Variants in NUDT7 observed in about 807,000 individuals in gnomAD.
NUDT7 encodes peroxisomal coenzyme A diphosphatase NUDT7.
A neutral mutation model predicts 13.1 loss-of-function variants in NUDT7; 19 were observed. That is an observed-to-expected ratio of 1.45 (90% confidence interval 1.01 to 2.13). NUDT7 has a LOEUF of 2.13. Ranked by LOEUF, NUDT7 falls within the 30% of genes most tolerant of loss-of-function variation. The pLI, the probability that NUDT7 is intolerant of heterozygous loss-of-function variation, is 0.00. For synonymous variants in NUDT7, 132 were observed against 109.7 expected, an observed-to-expected ratio of 1.20 and a Z score of -1.27; for missense variants, 360 against 291.7, an observed-to-expected ratio of 1.23 and a Z score of -1.71.
chr16:77,728,516 C>T (rs980283798), intron 2 of NUDT7, among the ~76,000 whole-genome samples: 93 of 152,252 alleles, frequency 6.1e-4, no homozygotes, highest in African/African-American at 2.1e-3. Context: ...AGATGACAAG[C>T]GTGTGCCACC....
Position 77,742,080 on chromosome 16 carries a change from C to A in NUDT7, c.*130C>A. ...TTTTCTGCAGTATGTAGTTAGAATC[C>A]TTGCCTCTTTTCCAGTTGCCTTCTA... On this transcript the variant is annotated 3_prime_UTR_variant, in exon 4 of 4. Transcript: ENST00000268533. 7.0e-7 allele frequency: 1 copy of A among 1,435,268 alleles called. No homozygotes were observed. Among genetic ancestry groups the A allele is most frequent in the South Asian group, 1.7e-5 (1 of 60,384 alleles). The allele number at this position is 1,435,268 out of a possible 1,614,324, so 88.9% of individuals were successfully genotyped here.
chr16:77,731,156 C>A (rs7188485), intron 2 of NUDT7, among the ~76,000 whole-genome samples: 14,335 of 152,078 alleles, frequency 0.094, 766 homozygotes, highest in African/African-American at 0.15. Context: ...CATTGCCCAG[C>A]TCAAGGATAA....
At chr16:77,724,648 G>A (rs529266239) in intron 1 of NUDT7, among the ~76,000 whole-genome samples, 2 of 152,240 alleles carry the variant, frequency 1.3e-5, no homozygotes, top group African/African-American at 4.8e-5. Context: ...TCCTATTTCT[G>A]AATAAAGTCA....
intron 3 of NUDT7, chr16:77,737,276 T>C (rs1276378374): frequency 6.6e-6 from 1 of 152,226 alleles, no homozygotes; most frequent in Admixed American, 6.5e-5. Flanking sequence ...CTCTGGTCTG[T>C]GATAGTTTAT....
chr16:77,737,773 C>T (rs2014537764), intron 3 of NUDT7, among the ~76,000 whole-genome samples: 1 of 152,166 alleles, frequency 6.6e-6, no homozygotes, highest in African/African-American at 2.4e-5. Flanking sequence ...ACGTGAGCCA[C>T]CACACCCAGC....
chr16:77,725,528 C>T lies in NUDT7; in HGVS notation c.133C>T (p.Pro45Ser), dbSNP rs560829499. Residue 45 changes from proline to serine, a missense_variant, in exon 2 of 4, where the codon CCA becomes TCA. By Grantham distance (74) the Pro-to-Ser change is moderately conservative. Coordinates refer to ENST00000268533, the MANE Select transcript of NUDT7 (RefSeq NM_001105663.3). The stretch of plus-strand genomic sequence containing the variant: ...ATATAACAAATACTCCGTCCTTTTG[C>T]CATTGGTGGCTAAAGAAGGAAAACT... The part of the protein sequence containing the change: ...LPYNKYSVLL[P>S]LVAKEGKLHL... 261 of 1,613,974 alleles carry T rather than the reference C, an allele frequency of 1.6e-4. 1 individual carries two copies. In the South Asian group the frequency reaches 1.7e-3, roughly 10 times the overall value.
At chr16:77,727,863 G>A (rs376633178) in intron 2 of NUDT7, among the ~76,000 whole-genome samples, 5 of 129,242 alleles carry the variant, frequency 3.9e-5, no homozygotes, top group African/African-American at 1.8e-4. Context: ...TCTCAATAAT[G>A]AATAAATAAA....
At chr16:77,726,532 C>T (rs936450051) in intron 2 of NUDT7, among the ~76,000 whole-genome samples, 7 of 152,104 alleles carry the variant, frequency 4.6e-5, no homozygotes, top group Non-Finnish European at 1.0e-4. Context: ...TATGGTGGCT[C>T]AAGCATGTAA....
intron 2 of NUDT7, among the ~76,000 whole-genome samples, chr16:77,727,999 C>G (rs1296205891): frequency 2.0e-5 from 3 of 152,128 alleles, no homozygotes; most frequent in African/African-American, 4.8e-5. Flanking sequence ...CCACTTTTGC[C>G]TGTTGATTAT....
intron 2 of NUDT7, among the ~76,000 whole-genome samples, chr16:77,725,813 T>C (rs931369665): frequency 1.3e-5 from 2 of 152,222 alleles, no homozygotes; most frequent in East Asian, 3.8e-4. Context: ...GCTTTCACAC[T>C]AGGGTTACCT....
chr16:77,739,031 A>G (rs2014575996), intron 3 of NUDT7, among the ~76,000 whole-genome samples: 3 of 152,220 alleles, frequency 2.0e-5, no homozygotes, highest in Admixed American at 1.3e-4. Context: ...GTGGTCACCA[A>G]TGGTAGCAGC....
intron 1 of NUDT7, among the ~76,000 whole-genome samples, chr16:77,723,284 G>T (rs2014022098): frequency 6.6e-6 from 1 of 152,198 alleles, no homozygotes; most frequent in Non-Finnish European, 1.5e-5. Flanking sequence ...CGTGCATCCA[G>T]ATGCACTGTG....
rs765225729 is a variant in NUDT7, at chr16:77,741,854, A to T, written c.621A>T (p.Lys207Asn). 2 of 1,614,144 alleles carry T rather than the reference A, an allele frequency of 1.2e-6. No individual in the cohort carries two copies. Among genetic ancestry groups the T allele is most frequent in the South Asian group, 1.1e-5 (1 of 91,080 alleles). The change falls in exon 4 of 4, where the codon AAA becomes AAT. Residue 207 changes from lysine to asparagine, a missense_variant. Coordinates refer to ENST00000268533, the MANE Select transcript of NUDT7 (RefSeq NM_001105663.3). ...TGGCCTTTATCATTTTGGAAAAAAA[A>T]CCCACCTTTGAGGTTCAATTTAATC... ...VLVAFIILEKKPTFEVQFNLN... is the reference protein window; with the variant it reads ...VLVAFIILEKNPTFEVQFNLN...
chr16:77,741,985 G>C lies in NUDT7; in HGVS notation c.*35G>C. The C allele has an allele frequency of 6.5e-7, 1 of 1,532,574 alleles. No individual in the cohort carries two copies. Among genetic ancestry groups the C allele is most frequent in the Non-Finnish European group, 8.7e-7 (1 of 1,146,482 alleles). The allele number at this position is 1,532,574 out of a possible 1,614,324, so 94.9% of individuals were successfully genotyped here. On this transcript the variant is annotated 3_prime_UTR_variant, in exon 4 of 4. Transcript: ENST00000268533. ...GCAAGAGACAAAGAACTATTCACGA[G>C]GATTCTGTGTGTGCTTATTCGTAGA...
intron 3 of NUDT7, among the ~76,000 whole-genome samples, chr16:77,739,258 C>T (rs1417540743): frequency 6.6e-6 from 1 of 152,186 alleles, no homozygotes; most frequent in Non-Finnish European, 1.5e-5. Flanking sequence ...TATTCCATAA[C>T]AGAGCAACAG....
chr16:77,726,199 G>T (rs1324255089), intron 2 of NUDT7, among the ~76,000 whole-genome samples: 1 of 152,176 alleles, frequency 6.6e-6, no homozygotes, highest in African/African-American at 2.4e-5. Context: ...TGTGACTTTG[G>T]CCTCGTTACT....
intron 2 of NUDT7, among the ~76,000 whole-genome samples, chr16:77,726,249 G>C (rs1249578308): frequency 6.6e-6 from 1 of 152,160 alleles, no homozygotes; most frequent in Non-Finnish European, 1.5e-5. Context: ...TGTAAAATGA[G>C]GACAAAATAT....
chr16:77,730,927 A>ATT (rs71984117), intron 2 of NUDT7, among the ~76,000 whole-genome samples: 19 of 150,912 alleles, frequency 1.3e-4, no homozygotes, highest in East Asian at 5.9e-4. Flanking sequence ...CCATTTTTAA[A>ATT]TTTTTTTTTA....
Position 77,741,700 on chromosome 16 carries a change from A to C in NUDT7, c.467A>C (p.Gln156Pro), listed in dbSNP as rs2014668116. The C allele has an allele frequency of 6.2e-7, 1 of 1,614,188 alleles. No homozygotes were observed. Among genetic ancestry groups the C allele is most frequent in the Non-Finnish European group, 8.5e-7 (1 of 1,180,036 alleles). Residue 156 changes from glutamine to proline, a missense_variant, in exon 4 of 4, where the codon CAG becomes CCG. By Grantham distance (76) the Gln-to-Pro change is moderately conservative. Transcript: ENST00000268533. ...CCTCTGGCCTATTTCCTGCATCCAC[A>C]GGTCCATGACCAGCATTACGTCACA... Reference protein sequence around the residue: ...LVPLAYFLHPQVHDQHYVTRL... With the variant: ...LVPLAYFLHPPVHDQHYVTRL...
Sources: allele counts gnomAD v4.1 joint callset (sites outside exome capture counted in the v4.1 genomes callset), GRCh38; gene constraint gnomAD v4.1.1; transcripts MANE v1.5; gene names NCBI Gene and HGNC (gene_info 2026-07-23, HGNC 2026-07-21).